Variants in NBEA observed in about 807,000 individuals in gnomAD.
NBEA encodes the protein lysosomal-trafficking regulator 2.
NBEA carries 44 observed loss-of-function variants against 343.4 expected under a neutral mutation model. The ratio of observed to expected loss-of-function variants is 0.13; its 90% CI spans 0.10 to 0.16. NBEA has a LOEUF of 0.16. Ranked by LOEUF, NBEA falls within the 10% of genes least tolerant of loss-of-function variation. The pLI, the probability that NBEA is intolerant of heterozygous loss-of-function variation, is 1.00. For missense variants in NBEA, 2,555 were observed against 3,631.3 expected (o/e 0.70, Z 7.62); for synonymous variants, 1,175 against 1,238.7 (o/e 0.95, Z 1.08).
At chr13:35,312,974 G>A (rs1015765095) in intron 36 of NBEA, among the ~76,000 whole-genome samples, 1 of 152,172 alleles carries the variant, frequency 6.6e-6, no homozygotes, top group Non-Finnish European at 1.5e-5. Flanking sequence ...CAAAGAGAGA[G>A]CTGGCATGGA....
intron 41 of NBEA, among the ~76,000 whole-genome samples, chr13:35,513,447 G>T (rs904698517): frequency 2.6e-5 from 4 of 151,026 alleles, no homozygotes; most frequent in Non-Finnish European, 5.9e-5. Flanking sequence ...CACCGTGCCT[G>T]GCCTATTACT....
chr13:35,177,174 G>A, intron 28 of NBEA, 71 bp downstream of exon 28: 2 of 1,201,264 alleles, frequency 1.7e-6, no homozygotes, highest in Admixed American at 4.2e-5. Context: ...CGTTTTATAA[G>A]AAAGCTGCTT....
At chr13:35,646,950 T>G (rs2084267551) in intron 51 of NBEA, among the ~76,000 whole-genome samples, 1 of 152,220 alleles carries the variant, frequency 6.6e-6, no homozygotes, top group Non-Finnish European at 1.5e-5. Context: ...TAGTACCTAC[T>G]ACTGAGAATT....
intron 35 of NBEA, among the ~76,000 whole-genome samples, chr13:35,300,130 G>A (rs1427627010): frequency 4.6e-5 from 7 of 152,056 alleles, no homozygotes; most frequent in Admixed American, 2.0e-4. Context: ...GAAGCTCTTA[G>A]AATCAGTTAC....
At chr13:35,663,953 T>C (rs1045238787) in intron 55 of NBEA, among the ~76,000 whole-genome samples, 7 of 152,092 alleles carry the variant, frequency 4.6e-5, no homozygotes, top group Admixed American at 1.3e-4. Context: ...GGAGAAATCC[T>C]TGGGGAGACA....
intron 1 of NBEA, among the ~76,000 whole-genome samples, chr13:35,021,714 C>A (rs2061846124): frequency 6.6e-6 from 1 of 151,984 alleles, no homozygotes; most frequent in South Asian, 2.1e-4. Flanking sequence ...TATGCTACTT[C>A]AAGTTTAGGG....
chr13:35,521,986 G>T (rs937440547), intron 41 of NBEA, among the ~76,000 whole-genome samples: 8 of 152,116 alleles, frequency 5.3e-5, no homozygotes, highest in Non-Finnish European at 7.4e-5. Context: ...CATCAACAGG[G>T]AGTCAGACAG....
At chr13:35,420,868 A>G (rs1052521672) in intron 38 of NBEA, among the ~76,000 whole-genome samples, 2 of 151,656 alleles carry the variant, frequency 1.3e-5, no homozygotes, top group Admixed American at 6.6e-5. Flanking sequence ...GATATTGGTA[A>G]TTTGTGTCTA....
At chr13:35,063,349 A>G (rs1566228809) in intron 8 of NBEA, among the ~76,000 whole-genome samples, 1 of 152,030 alleles carries the variant, frequency 6.6e-6, no homozygotes, top group Non-Finnish European at 1.5e-5. Flanking sequence ...TAGTGTCTAT[A>G]TGGTGATAAG....
intron 35 of NBEA, among the ~76,000 whole-genome samples, chr13:35,304,331 C>CTGTGTGTGTGTG (rs375468846): frequency 2.2e-4 from 33 of 148,994 alleles, no homozygotes; most frequent in African/African-American, 7.9e-4. Context: ...AAGCAATTCT[C>CTGTGTGTGTGTG]TGTGTGTGTG....
Position 35,012,931 on chromosome 13 carries a change from A to C in NBEA, c.295-28002A>C, listed in dbSNP as rs1232934312. ...TTATGGAGTGGAACTAGAGTTCGAG[A>C]ATTGAATGGCATTAGGTTGGCTCCT... is the stretch of plus-strand genomic sequence containing the variant. On this transcript the variant is annotated intron_variant, in intron 1 of 58. Transcript: ENST00000379939. Among the ~76,000 whole-genome samples, 5 of 152,180 alleles carry C rather than the reference A, an allele frequency of 3.3e-5. No individual in the cohort carries two copies. In the East Asian group the frequency reaches 9.6e-4, roughly 29 times the overall value.
chr13:35,528,972 A>G (rs1401692136), intron 41 of NBEA, among the ~76,000 whole-genome samples: 1 of 152,186 alleles, frequency 6.6e-6, no homozygotes, highest in East Asian at 1.9e-4. Context: ...GTATTATTTT[A>G]TAGAGGGTAA....
intron 39 of NBEA, among the ~76,000 whole-genome samples, chr13:35,445,965 C>A (rs1238035966): frequency 6.6e-6 from 1 of 151,332 alleles, no homozygotes; most frequent in Non-Finnish European, 1.5e-5. Flanking sequence ...ATCCCTCCCC[C>A]CTCTCCCCAC....
intron 10 of NBEA, among the ~76,000 whole-genome samples, chr13:35,074,853 A>G (rs1477090303): frequency 1.3e-5 from 2 of 152,088 alleles, no homozygotes; most frequent in African/African-American, 4.8e-5. Flanking sequence ...ATTATGAATC[A>G]CATACAAAAT....
intron 1 of NBEA, among the ~76,000 whole-genome samples, chr13:35,025,413 T>C (rs1209790464): frequency 1.3e-5 from 2 of 152,178 alleles, no homozygotes; most frequent in Non-Finnish European, 2.9e-5. Flanking sequence ...CACCATTTAT[T>C]GAGTTAGGGA....
chr13:35,516,746 A>T (rs543040866), intron 41 of NBEA, among the ~76,000 whole-genome samples: 1 of 152,300 alleles, frequency 6.6e-6, no homozygotes, highest in South Asian at 2.1e-4. Flanking sequence ...CTGTAGAGTA[A>T]GGGAAAAGAA....
At chr13:35,540,335 A>G (rs2078764449) in intron 41 of NBEA, among the ~76,000 whole-genome samples, 3 of 152,202 alleles carry the variant, frequency 2.0e-5, no homozygotes, top group Non-Finnish European at 2.9e-5. Context: ...TAATGTATTC[A>G]GTATAGAAAT....
At chr13:35,599,165 C>T (rs1017461208) in intron 47 of NBEA, among the ~76,000 whole-genome samples, 1 of 152,102 alleles carries the variant, frequency 6.6e-6, no homozygotes, top group African/African-American at 2.4e-5. Flanking sequence ...CTTCCAGACC[C>T]CACCAGGCTC....
intron 10 of NBEA, among the ~76,000 whole-genome samples, chr13:35,075,739 A>T (rs926769756): frequency 6.6e-6 from 1 of 152,090 alleles, no homozygotes; most frequent in Admixed American, 6.6e-5. Context: ...AGCCACTTTA[A>T]TAATTAAGCA....
Sources: gnomAD v4.1 joint callset for allele counts (sites outside exome capture counted in the v4.1 genomes callset) on GRCh38, gnomAD v4.1.1 for gene constraint, MANE v1.5 for transcripts, NCBI Gene and HGNC (gene_info 2026-07-23, HGNC 2026-07-21) for gene names.